The following POTEI variants were observed in gnomAD, a reference collection of about 807,000 sequenced individuals.
The protein encoded by POTEI is POTE ankyrin domain family member I.
POTEI carries 14 observed loss-of-function variants against 43.4 expected under a neutral mutation model. That is an observed-to-expected ratio of 0.32 (90% CI 0.21 to 0.50). POTEI has a LOEUF of 0.50. Ranked by LOEUF, POTEI falls within the 20% of genes least tolerant of loss-of-function variation. The probability of loss-of-function intolerance (pLI) is 0.98; values close to 1 mark genes in which losing one functional copy is unlikely to be tolerated. For missense variants in POTEI, 235 were observed against 795.4 expected, an observed-to-expected ratio of 0.30 and a Z score of 8.47; for synonymous variants, 95 against 297.9, an observed-to-expected ratio of 0.32 and a Z score of 7.01.
chr2:130,478,561 C>T (rs1343944351), intron 10 of POTEI, among the ~76,000 whole-genome samples: 1 of 106,714 alleles, frequency 9.4e-6, no homozygotes, highest in African/African-American at 4.0e-5. Context: ...GAGGGAAAAA[C>T]ACAAAGCACA....
At position 130,508,723 on chromosome 2, in the gene POTEI, C is replaced by T. The variant is rs752323586; in HGVS notation, c.513G>A (p.Lys171=). ...LRDTDVNKQD[K]QKRTALHLAS... ...AGCCCAGGCCTGGTTACCTCTTTTG[C>T]TTGTCCTGCTTGTTCACGTCAGTGT... Residue 171 remains lysine (K), a synonymous_variant, in exon 1 of 15, where the codon AAG becomes AAA. Transcript: ENST00000451531. The T allele has an allele frequency of 1.4e-5, 16 of 1,171,304 alleles. No homozygotes were observed. The highest frequency in any genetic ancestry group is 1.0e-4 in the South Asian group (7 of 67,022). The allele number at this position is 1,171,304 out of a possible 1,614,324, so 72.6% of individuals were successfully genotyped here.
intron 1 of POTEI, among the ~76,000 whole-genome samples, chr2:130,507,337 C>T (rs1396909556): frequency 5.9e-4 from 36 of 61,534 alleles, no homozygotes; most frequent in African/African-American, 1.6e-3. Context: ...CACACACACA[C>T]ATATATATGT....
intron 13 of POTEI, among the ~76,000 whole-genome samples, chr2:130,468,599 G>A (rs1391878813): frequency 6.6e-6 from 1 of 151,638 alleles, no homozygotes; most frequent in East Asian, 1.9e-4. Flanking sequence ...ACAGCATGGA[G>A]GAAACCGACC....
At chr2:130,496,495 T>C (rs1344641596) in intron 6 of POTEI, 57 bp downstream of exon 6, 1 of 1,251,386 alleles carries the variant, frequency 8.0e-7, no homozygotes, top group Non-Finnish European at 1.1e-6. Flanking sequence ...AACCGGTCCC[T>C]GGTGTCAAAA....
At chr2:130,509,466 C>T, upstream of POTEI, 11 of 292,716 alleles carry the variant, frequency 3.8e-5, no homozygotes, top group Non-Finnish European at 5.9e-5. Flanking sequence ...CCCCCCCCCC[C>T]AAGAAAACAC....
rs1373418983 is a variant in POTEI at position 130,509,265 on chromosome 2, G to A, written c.-30C>T. On this transcript the variant is annotated 5_prime_UTR_variant, in exon 1 of 15. Coordinates refer to ENST00000451531, the MANE Select transcript of POTEI (RefSeq NM_001277406.2). ...TTTTAACAGCCTGGGGAGGCCGGTA[G>A]TAGCGAGCAGATCACGTCTACCAAC... 9.4e-6 allele frequency: 10 copies of A among 1,058,622 alleles called. 2 individuals are homozygous for A. The South Asian group carries it at 1.4e-4, about 15-fold the overall frequency. 65.6% of individuals were successfully genotyped at this position (1,058,622 alleles called of 1,614,324 possible). A position where few individuals can be genotyped will look rare whatever the true frequency, so the allele number is the denominator to read the frequency against.
intron 1 of POTEI, among the ~76,000 whole-genome samples, chr2:130,507,307 T>C (rs1257903517): frequency 0.017 from 212 of 12,390 alleles, 36 homozygotes; most frequent in Non-Finnish European, 0.079. Flanking sequence ...TATATATATA[T>C]ATATATATAT....
At position 130,460,052 on chromosome 2, in the gene POTEI, G is replaced by A. The variant is rs1224074639; in HGVS notation, c.*2764C>T. On this transcript the variant is annotated 3_prime_UTR_variant, in exon 15 of 15. Transcript: ENST00000451531. ...AAATAAAGGGCTGCCGTATGGAGAG[G>A]CAATGTGCAGGCTGGTGCGTGGCTC... 1 of 150,194 alleles carries A rather than the reference G, an allele frequency of 6.7e-6. No individual in the cohort carries two copies. Among genetic ancestry groups the A allele is most frequent in the Non-Finnish European group, 1.5e-5 (1 of 68,026 alleles). 9.3% of individuals were successfully genotyped at this position (150,194 alleles called of 1,614,324 possible).
At chr2:130,491,490 C>G (rs538647732) in intron 6 of POTEI, among the ~76,000 whole-genome samples, 37 of 132,648 alleles carry the variant, frequency 2.8e-4, no homozygotes, top group African/African-American at 9.7e-4. Flanking sequence ...AAATGAAATC[C>G]TCCTGTTTCA....
At chr2:130,505,188 T>G (rs544832555) in intron 1 of POTEI, among the ~76,000 whole-genome samples, 51 of 145,338 alleles carry the variant, frequency 3.5e-4, no homozygotes, top group African/African-American at 1.2e-3. Context: ...TCTTCCTATG[T>G]TAGTTTGCTA....
chr2:130,482,427 C>T (rs1328871611), intron 9 of POTEI, among the ~76,000 whole-genome samples: 5 of 150,378 alleles, frequency 3.3e-5, no homozygotes, highest in Non-Finnish European at 5.9e-5. Flanking sequence ...TCTTCTTCTA[C>T]AAAGTGAGGA....
intron 10 of POTEI, among the ~76,000 whole-genome samples, chr2:130,478,598 T>A (rs1263827480): frequency 6.2e-5 from 8 of 129,510 alleles, no homozygotes; most frequent in Non-Finnish European, 1.1e-4. Context: ...TATTTAGAAG[T>A]CAGAACTATG....
rs1267726656 is a variant in POTEI at position 130,461,203 on chromosome 2, T to G, written c.*1613A>C. 3.3e-5 allele frequency: 5 copies of G among 151,524 alleles called. No homozygotes were observed. The highest frequency in any genetic ancestry group is 7.4e-5 in the Non-Finnish European group (5 of 68,022). The allele number at this position is 151,524 out of a possible 1,614,324, so 9.4% of individuals were successfully genotyped here. A position where few individuals can be genotyped will look rare whatever the true frequency, so the allele number is the denominator to read the frequency against. ...CAAAAAGAAAAGTCTGGCCACGTTTTTATAGAGCAGCTGTGCTGTGCTGGG... is the reference window on the plus strand; with the variant it reads ...CAAAAAGAAAAGTCTGGCCACGTTTGTATAGAGCAGCTGTGCTGTGCTGGG... On this transcript the variant is annotated 3_prime_UTR_variant, in exon 15 of 15. Coordinates refer to ENST00000451531, the MANE Select transcript of POTEI (RefSeq NM_001277406.2).
chr2:130,479,798 C>T lies in POTEI; in HGVS notation c.1480+2205G>A, dbSNP rs1184933241. On this transcript the variant is annotated intron_variant, in intron 10 of 14. Coordinates refer to ENST00000451531, the MANE Select transcript of POTEI (RefSeq NM_001277406.2). ...TTCTCCAATGAGCCCCTGCAGCACACATTGTTGGCTCCCTATCAATAGCCA... is the reference window on the plus strand; with the variant it reads ...TTCTCCAATGAGCCCCTGCAGCACATATTGTTGGCTCCCTATCAATAGCCA... 8.4e-5 allele frequency among the ~76,000 whole-genome samples: 3 copies of T among 35,522 alleles called. 1 individual carries two copies. The highest frequency in any genetic ancestry group is 3.1e-4 in the African/African-American group (3 of 9,738). 23.3% of individuals were successfully genotyped at this position (35,522 alleles called of 152,430 possible).
At chr2:130,509,625 C>T, upstream of POTEI, 3 of 76,030 alleles carry the variant, frequency 3.9e-5, no homozygotes, top group African/African-American at 1.4e-4. Flanking sequence ...AAGCAAAGAA[C>T]GCAAAGCCAA....
At position 130,509,201 on chromosome 2, in the gene POTEI, G is replaced by A; in HGVS notation, c.35C>T (p.Ser12Phe). 4 of 1,476,522 alleles carry A rather than the reference G, an allele frequency of 2.7e-6. No homozygotes were observed. The highest frequency in any genetic ancestry group is 3.6e-6 in the Non-Finnish European group (4 of 1,098,622). 91.5% of individuals were successfully genotyped at this position (1,476,522 alleles called of 1,614,324 possible). ...GAGAACAAATGGCTTCTTCACAGAA[G>A]AGGCAGCCGGCATTGAATCAACCTC... The part of the protein sequence containing the change: ...VAEVDSMPAA[S>F]SVKKPFVLRS... The change falls in exon 1 of 15, where the codon TCT (serine) becomes TTT (phenylalanine). Residue 12 changes from serine to phenylalanine, a missense_variant. Physicochemically the swap from Ser to Phe is radical, Grantham distance 155 (BLOSUM62 -2). Transcript: ENST00000451531.
intron 6 of POTEI, among the ~76,000 whole-genome samples, chr2:130,495,153 A>G (rs1232168022): frequency 6.4e-5 from 3 of 46,826 alleles, no homozygotes; most frequent in African/African-American, 1.4e-4. Flanking sequence ...TGCTTACCTT[A>G]AATCATACCT....
chr2:130,495,795 A>G (rs1290723874), intron 6 of POTEI, among the ~76,000 whole-genome samples: 1 of 45,426 alleles, frequency 2.2e-5, no homozygotes, highest in African/African-American at 5.1e-5. Flanking sequence ...TATGATGACA[A>G]TTAACCAGCA....
intron 6 of POTEI, among the ~76,000 whole-genome samples, chr2:130,492,109 A>G (rs2105105290): frequency 1.7e-5 from 1 of 57,424 alleles, no homozygotes; most frequent in African/African-American, 5.1e-5. Context: ...ATTCCTCCAC[A>G]TGTCTGTCCC....
Sources: allele counts gnomAD v4.1 joint callset (sites outside exome capture counted in the v4.1 genomes callset), GRCh38; gene constraint gnomAD v4.1.1; transcripts MANE v1.5; gene names NCBI Gene and HGNC (gene_info 2026-07-23, HGNC 2026-07-21).